SGCZ: variants seen among roughly 807,000 people sequenced by gnomAD.
The protein encoded by SGCZ is sarcoglycan zeta, also known as zeta-sarcoglycan.
A neutral mutation model predicts 41.3 loss-of-function variants in SGCZ; 40 were observed. The ratio of observed to expected loss-of-function variants is 0.97; its 90% CI spans 0.75 to 1.26. The LOEUF (loss-of-function observed/expected upper bound fraction) is 1.26, where lower values mean the gene tolerates loss of function less well. SGCZ is among the 50% of genes most tolerant of loss of function. SGCZ has a pLI of 0.00. For synonymous variants in SGCZ, 206 were observed against 137.5 expected (o/e 1.50, Z -3.49); for missense variants, 552 against 369.8 (o/e 1.49, Z -4.04).
At chr8:14,190,113 C>T (rs935655055) in intron 4 of SGCZ, among the ~76,000 whole-genome samples, 3 of 143,112 alleles carry the variant, frequency 2.1e-5, no homozygotes, top group East Asian at 2.2e-4. Context: ...CTGGGGTTCA[C>T]GCCATTCTCC....
rs1337057236 is a variant in SGCZ at position 15,196,064 on chromosome 8, A to AT, written c.39+41520dup. ...AGGCGCCCGCTACCACGCCCGGCTAATTTTTTGTATTTTTAGTAGAGACGG... is the reference window on the plus strand; with the variant it reads ...AGGCGCCCGCTACCACGCCCGGCTAATTTTTTTGTATTTTTAGTAGAGACGG... On this transcript the variant is annotated intron_variant, in intron 1 of 7. Transcript: ENST00000382080. Among the ~76,000 whole-genome samples the AT allele has an allele frequency of 2.7e-5, 4 of 146,528 alleles. 1 individual carries two copies. In the South Asian group the frequency reaches 6.6e-4, roughly 24 times the overall value.
chr8:15,040,580 C>G (rs112431036), intron 1 of SGCZ, among the ~76,000 whole-genome samples: 3 of 152,146 alleles, frequency 2.0e-5, no homozygotes, highest in African/African-American at 7.2e-5. Context: ...GAGACTGCAC[C>G]ATTGCACTCC....
At chr8:14,483,801 G>T (rs1449540746) in intron 2 of SGCZ, among the ~76,000 whole-genome samples, 1 of 152,060 alleles carries the variant, frequency 6.6e-6, no homozygotes, top group Non-Finnish European at 1.5e-5. Flanking sequence ...AATATATGCA[G>T]CATAAATGAC....
chr8:14,322,412 G>A (rs1324625070), intron 3 of SGCZ, among the ~76,000 whole-genome samples: 1 of 152,196 alleles, frequency 6.6e-6, no homozygotes, highest in Non-Finnish European at 1.5e-5. Context: ...GGAAGCGCAA[G>A]TGGCTCCACC....
rs577267476 is a variant in SGCZ at position 14,553,893 on chromosome 8, G to A, written c.234+839C>T. Among the ~76,000 whole-genome samples the A allele has an allele frequency of 2.0e-5, 3 of 152,184 alleles. No homozygotes were observed. The East Asian group carries it at 5.8e-4, about 29-fold the overall frequency. ...AAGAATAATAGCAGTCTGGTCAGCA[G>A]TGAAAGATACTTGCTTGTATGTGGA... On this transcript the variant is annotated intron_variant, in intron 2 of 7. Transcript: ENST00000382080.
intron 5 of SGCZ, among the ~76,000 whole-genome samples, chr8:14,112,283 T>TG (rs796504633): frequency 0.14 from 16,009 of 112,722 alleles, 1,061 homozygotes; most frequent in East Asian, 0.18. Context: ...TTTTTTTTTG[T>TG]GGGGGGGGGG....
At chr8:14,491,905 C>A (rs931531563) in intron 2 of SGCZ, among the ~76,000 whole-genome samples, 15 of 152,094 alleles carry the variant, frequency 9.9e-5, no homozygotes, top group African/African-American at 3.1e-4. Context: ...CTGTAAAATC[C>A]TTTATCATCA....
intron 4 of SGCZ, among the ~76,000 whole-genome samples, chr8:14,218,326 T>C (rs181246732): frequency 2.3e-4 from 35 of 152,298 alleles, no homozygotes; most frequent in Middle Eastern, 6.8e-3. Context: ...GGTATACCAG[T>C]TCCAAAAACA....
intron 1 of SGCZ, among the ~76,000 whole-genome samples, chr8:14,723,420 T>A (rs1809953547): frequency 1.3e-5 from 2 of 152,110 alleles, no homozygotes; most frequent in African/African-American, 2.4e-5. Context: ...CCCTCACATG[T>A]CCCACAGATA....
At chr8:14,483,078 C>T (rs1475515345) in intron 2 of SGCZ, among the ~76,000 whole-genome samples, 2 of 152,122 alleles carry the variant, frequency 1.3e-5, no homozygotes, top group African/African-American at 4.8e-5. Context: ...TTTCCACAGG[C>T]TCTATCTCTT....
chr8:14,495,286 C>A (rs1372918909), intron 2 of SGCZ, among the ~76,000 whole-genome samples: 9 of 152,118 alleles, frequency 5.9e-5, no homozygotes, highest in Non-Finnish European at 2.9e-5. Context: ...AAGTAGCTTC[C>A]ACTAGAAATT....
intron 2 of SGCZ, among the ~76,000 whole-genome samples, chr8:14,406,120 T>C (rs532128080): frequency 1.7e-3 from 263 of 152,208 alleles, no homozygotes; most frequent in African/African-American, 6.1e-3. Context: ...CAGTTTCCCA[T>C]CTTCTGTGCT....
At chr8:15,014,589 G>T (rs1472269674) in intron 1 of SGCZ, among the ~76,000 whole-genome samples, 1 of 152,186 alleles carries the variant, frequency 6.6e-6, no homozygotes, top group Non-Finnish European at 1.5e-5. Flanking sequence ...GTCATCAGCT[G>T]CCCATGTCTA....
intron 1 of SGCZ, among the ~76,000 whole-genome samples, chr8:14,931,636 T>C (rs1042312321): frequency 1.3e-5 from 2 of 152,046 alleles, no homozygotes; most frequent in Non-Finnish European, 2.9e-5. Context: ...TTTCAGATAT[T>C]ATACTGAAAA....
chr8:14,795,015 T>C (rs1361259887), intron 1 of SGCZ, among the ~76,000 whole-genome samples: 1 of 152,184 alleles, frequency 6.6e-6, no homozygotes, highest in African/African-American at 2.4e-5. Flanking sequence ...CAGATGCCCT[T>C]GATTCAGATC....
chr8:15,149,611 C>T (rs1365251770), intron 1 of SGCZ, among the ~76,000 whole-genome samples: 1 of 149,670 alleles, frequency 6.7e-6, no homozygotes, highest in Non-Finnish European at 1.5e-5. Context: ...TCATTTATCA[C>T]TTACATCATT....
chr8:14,365,107 C>T (rs1340266540), intron 2 of SGCZ, among the ~76,000 whole-genome samples: 2 of 151,918 alleles, frequency 1.3e-5, no homozygotes, highest in Admixed American at 1.3e-4. Flanking sequence ...GCCCTTTTCA[C>T]TTTTGTCATA....
intron 1 of SGCZ, among the ~76,000 whole-genome samples, chr8:14,761,709 A>G (rs1047567082): frequency 6.6e-6 from 1 of 151,828 alleles, no homozygotes; most frequent in Non-Finnish European, 1.5e-5. Flanking sequence ...TATTTTTAGT[A>G]GAGACAGAGT....
chr8:14,251,664 T>A (rs537216678), intron 3 of SGCZ, among the ~76,000 whole-genome samples: 1 of 152,322 alleles, frequency 6.6e-6, no homozygotes, highest in South Asian at 2.1e-4. Flanking sequence ...AACATTGTTT[T>A]TAATAATTTT....
Sources: allele counts gnomAD v4.1 joint callset (sites outside exome capture counted in the v4.1 genomes callset), GRCh38; gene constraint gnomAD v4.1.1; transcripts MANE v1.5; gene names NCBI Gene and HGNC (gene_info 2026-07-23, HGNC 2026-07-21).